Variants in ESR1 observed in about 807,000 individuals in gnomAD.
ESR1 encodes the protein estrogen receptor 1, also known as estrogen receptor.
A neutral mutation model predicts 52.7 loss-of-function variants in ESR1; 12 were observed. That is an observed-to-expected ratio of 0.23 (90% CI 0.15 to 0.37). The LOEUF (loss-of-function observed/expected upper bound fraction) is 0.37. ESR1 is among the 10% of genes least tolerant of loss of function. The probability of loss-of-function intolerance (pLI) is 1.00; values close to 1 mark genes in which losing one functional copy is unlikely to be tolerated. For missense variants in ESR1, 584 were observed against 779.7 expected, an observed-to-expected ratio of 0.75 and a Z score of 2.99; for synonymous variants, 305 against 316.8, an observed-to-expected ratio of 0.96 and a Z score of 0.39.
chr6:151,887,444 A>G (rs182405176), intron 3 of ESR1, among the ~76,000 whole-genome samples: 2 of 152,264 alleles, frequency 1.3e-5, no homozygotes, highest in African/African-American at 4.8e-5. Flanking sequence ...TTAAAGACTA[A>G]TGAATCCAAT....
chr6:152,113,654 T>G lies in ESR1; in HGVS notation c.851-11612T>G, dbSNP rs2051173812. ...AACAATTTTAACAATTTTAAGAGAC[T>G]TTCTCCTCATAAAAAAGATTAAAAA... is the stretch of plus-strand genomic sequence containing the variant. On this transcript the variant is annotated intron_variant, in intron 6 of 6. Transcript: ENST00000427531. Among the ~76,000 whole-genome samples the G allele has an allele frequency of 3.9e-5, 6 of 152,230 alleles. 1 individual carries two copies. The South Asian group carries it at 1.2e-3, about 32-fold the overall frequency.
chr6:151,781,802 C>CAA (rs144480901), intron 2 of ESR1, among the ~76,000 whole-genome samples: 6 of 109,948 alleles, frequency 5.5e-5, no homozygotes, highest in African/African-American at 2.1e-4. Context: ...AAGTATTGTG[C>CAA]ACAAAAAAAA....
At chr6:151,751,450 G>C (rs1016554605) in intron 2 of ESR1, among the ~76,000 whole-genome samples, 4 of 152,164 alleles carry the variant, frequency 2.6e-5, no homozygotes, top group Non-Finnish European at 5.9e-5. Flanking sequence ...ATGTAATGCT[G>C]AGAATAAGAC....
chr6:151,670,735 C>T (rs575201921), intron 1 of ESR1, among the ~76,000 whole-genome samples: 19 of 149,816 alleles, frequency 1.3e-4, no homozygotes, highest in African/African-American at 3.7e-4. Flanking sequence ...AGGCTTGCGC[C>T]GTTACACCCA....
intron 2 of ESR1, among the ~76,000 whole-genome samples, chr6:151,766,063 A>T (rs1336771596): frequency 1.3e-5 from 2 of 152,200 alleles, no homozygotes; most frequent in Admixed American, 1.3e-4. Flanking sequence ...ATTTTAAGGA[A>T]TGCATACAGG....
chr6:152,052,481 T>G (rs2046766700), intron 5 of ESR1, among the ~76,000 whole-genome samples: 1 of 152,138 alleles, frequency 6.6e-6, no homozygotes, highest in Non-Finnish European at 1.5e-5. Flanking sequence ...AATAAATAAA[T>G]ACAGTCATAA....
exon 7 of ESR1, chr6:152,127,627 T>C (rs188858530): frequency 2.6e-5 from 4 of 152,266 alleles, no homozygotes; most frequent in East Asian, 1.9e-4. Flanking sequence ...CTACCTCAAA[T>C]AGCAACAGAG....
intron 3 of ESR1, among the ~76,000 whole-genome samples, chr6:151,899,165 G>C (rs1347694996): frequency 7.1e-6 from 1 of 141,468 alleles, no homozygotes; most frequent in Non-Finnish European, 1.6e-5. Flanking sequence ...GCGGCTGGCC[G>C]GGCAGAGGGG....
chr6:152,058,984 T>A (rs368123623), intron 5 of ESR1, among the ~76,000 whole-genome samples: 23 of 152,108 alleles, frequency 1.5e-4, no homozygotes, highest in African/African-American at 5.3e-4. Flanking sequence ...ATATCAGAAG[T>A]AATCAACATT....
chr6:151,746,114 T>C (rs1340116287), intron 2 of ESR1, among the ~76,000 whole-genome samples: 2 of 152,216 alleles, frequency 1.3e-5, no homozygotes, highest in African/African-American at 2.4e-5. Context: ...CATTGATCTG[T>C]TGGTAGACAT....
At chr6:151,776,921 G>C (rs574050143) in intron 2 of ESR1, among the ~76,000 whole-genome samples, 1 of 151,796 alleles carries the variant, frequency 6.6e-6, no homozygotes, top group African/African-American at 2.4e-5. Context: ...TTTATAGGGA[G>C]ATATACGTGA....
chr6:151,682,061 T>C (rs1227986379), intron 1 of ESR1, among the ~76,000 whole-genome samples: 2 of 152,242 alleles, frequency 1.3e-5, no homozygotes, highest in Non-Finnish European at 2.9e-5. Context: ...TGAGTCCCCG[T>C]AGGAAAACTG....
intron 5 of ESR1, among the ~76,000 whole-genome samples, chr6:152,029,289 G>A (rs1430417348): frequency 1.3e-5 from 2 of 152,206 alleles, no homozygotes; most frequent in Non-Finnish European, 1.5e-5. Flanking sequence ...AAGCTGGATG[G>A]AGAATGACTT....
chr6:151,870,158 C>T (rs1000801665), intron 2 of ESR1, among the ~76,000 whole-genome samples: 1 of 152,144 alleles, frequency 6.6e-6, no homozygotes, highest in African/African-American at 2.4e-5. Flanking sequence ...ATATAAATTT[C>T]TTATTTATTT....
At chr6:151,927,427 T>C (rs1459779681) in intron 3 of ESR1, among the ~76,000 whole-genome samples, 1 of 152,232 alleles carries the variant, frequency 6.6e-6, no homozygotes, top group African/African-American at 2.4e-5. Flanking sequence ...AATTTCTTTC[T>C]TGAAGATTTG....
At chr6:151,764,653 GGTTAT>G (rs1241925880) in intron 2 of ESR1, among the ~76,000 whole-genome samples, 1 of 152,118 alleles carries the variant, frequency 6.6e-6, no homozygotes, top group Non-Finnish European at 1.5e-5. Context: ...TGATAAAAAC[GGTTAT>G]GTTGTTACAT....
chr6:152,048,002 G>A (rs1232829779), intron 5 of ESR1, among the ~76,000 whole-genome samples: 1 of 118,874 alleles, frequency 8.4e-6, no homozygotes, highest in East Asian at 2.7e-4. Context: ...AGACCCAAAC[G>A]CATGTCTCTC....
intron 1 of ESR1, among the ~76,000 whole-genome samples, chr6:151,834,537 T>C (rs1449563658): frequency 6.6e-6 from 1 of 151,894 alleles, no homozygotes; most frequent in African/African-American, 2.4e-5. Context: ...ATTACACACC[T>C]GGGGTCTATC....
At chr6:152,095,668 A>G (rs2050552181) in intron 7 of ESR1, among the ~76,000 whole-genome samples, 1 of 152,166 alleles carries the variant, frequency 6.6e-6, no homozygotes, top group Non-Finnish European at 1.5e-5. Context: ...GGTCATGACT[A>G]TTTCTGAGCA....
Sources: allele counts gnomAD v4.1 joint callset (sites outside exome capture counted in the v4.1 genomes callset), GRCh38; gene constraint gnomAD v4.1.1; transcripts MANE v1.5; gene names NCBI Gene and HGNC (gene_info 2026-07-23, HGNC 2026-07-21).